MOB3C: variants seen among roughly 807,000 people sequenced by gnomAD.
MOB3C encodes MOB1, Mps One Binder kinase activator-like 2C.
Under a neutral mutation model 19.8 loss-of-function variants are expected in MOB3C, and 17 were observed. That is an observed-to-expected ratio of 0.86 (90% CI 0.59 to 1.29). The LOEUF (loss-of-function observed/expected upper bound fraction) is 1.29. MOB3C is among the 50% of genes most tolerant of loss of function. The probability of loss-of-function intolerance (pLI) is 0.00; values close to 1 mark genes in which losing one functional copy is unlikely to be tolerated. For missense variants in MOB3C, 291 were observed against 301.9 expected (o/e 0.96, Z 0.27); for synonymous variants, 101 against 119.2 (o/e 0.85, Z 0.99).
chr1:46,610,386 T>G (rs953734718), intron 2 of MOB3C, among the ~76,000 whole-genome samples, 182 bp from the exon 3 acceptor site: 2 of 152,358 alleles, frequency 1.3e-5, no homozygotes, highest in South Asian at 4.1e-4. Context: ...TTTCTTCCTT[T>G]CTTTTTTTCT....
intron 1 of MOB3C, chr1:46,614,608 T>C (rs1311239008): frequency 4.4e-6 from 1 of 224,884 alleles, no homozygotes; most frequent in Non-Finnish European, 8.7e-6. Context: ...CTCTGGCAAG[T>C]GTGAGCCCTG....
chr1:46,613,353 G>A lies in MOB3C; in HGVS notation c.-32C>T. On this transcript the variant is annotated 5_prime_UTR_variant, in exon 2 of 4. Coordinates refer to ENST00000319928, the MANE Select transcript of MOB3C (RefSeq NM_201403.3). ...CTGGGCCTGGGGCTGCTGTCCAGGGGCTCGGACCTGAGGATACCCTGCCAG... is the reference window on the plus strand; with the variant it reads ...CTGGGCCTGGGGCTGCTGTCCAGGGACTCGGACCTGAGGATACCCTGCCAG... 4 of 1,598,762 alleles carry A rather than the reference G, an allele frequency of 2.5e-6. No homozygotes were observed. The highest frequency in any genetic ancestry group is 2.5e-6 in the Non-Finnish European group (3 of 1,179,228).
At chr1:46,615,108 C>A (rs373454329) in intron 1 of MOB3C, 95 of 1,558,896 alleles carry the variant, frequency 6.1e-5, no homozygotes, top group Non-Finnish European at 8.0e-5. Context: ...CTGCTTGGGG[C>A]AAGTGCTTCC....
intron 1 of MOB3C, chr1:46,613,673 G>A (rs1675515041): frequency 2.5e-6 from 1 of 401,398 alleles, no homozygotes; most frequent in Non-Finnish European, 4.5e-6. Flanking sequence ...TCACGAGAGA[G>A]GTCGCAGAGG....
intron 2 of MOB3C, 77 bp downstream of exon 2, chr1:46,612,827 A>G: frequency 7.2e-7 from 1 of 1,396,308 alleles, no homozygotes; most frequent in Non-Finnish European, 9.6e-7. Context: ...CCAACCCTGC[A>G]GAGTGTCTAT....
At chr1:46,610,527 A>G (rs1487716675) in intron 2 of MOB3C, among the ~76,000 whole-genome samples, 1 of 152,134 alleles carries the variant, frequency 6.6e-6, no homozygotes, top group Non-Finnish European at 1.5e-5. Flanking sequence ...GGGATTACAG[A>G]CATGTGCCAT....
At position 46,609,311 on chromosome 1, in the gene MOB3C, A is replaced by G. The variant is rs1675422271; in HGVS notation, c.*344T>C. 6 of 404,302 alleles carry G rather than the reference A, an allele frequency of 1.5e-5. No homozygotes were observed. Among genetic ancestry groups the G allele is most frequent in the Admixed American group, 4.0e-5 (1 of 25,074 alleles). 25.0% of individuals were successfully genotyped at this position (404,302 alleles called of 1,614,324 possible). ...CTCACTTTCTTGCACCTTTCTTGCCATCACCTCGGCCACACCCACATTCCT... is the reference window on the plus strand; with the variant it reads ...CTCACTTTCTTGCACCTTTCTTGCCGTCACCTCGGCCACACCCACATTCCT... On this transcript the variant is annotated 3_prime_UTR_variant, in exon 4 of 4. Coordinates refer to ENST00000319928, the MANE Select transcript of MOB3C (RefSeq NM_201403.3).
chr1:46,609,198 G>A lies in MOB3C; in HGVS notation c.*457C>T, dbSNP rs1419917186. Reference sequence around the variant, plus strand: ...CTACTATGTGCCAAGGAGGGGTAAGGCAGCTAGCTCTCACAGACACACCCC... The same window carrying A: ...CTACTATGTGCCAAGGAGGGGTAAGACAGCTAGCTCTCACAGACACACCCC... On this transcript the variant is annotated 3_prime_UTR_variant, in exon 4 of 4. Transcript: ENST00000319928. 3 of 230,432 alleles carry A rather than the reference G, an allele frequency of 1.3e-5. No individual in the cohort carries two copies. The highest frequency in any genetic ancestry group is 2.6e-5 in the Non-Finnish European group (3 of 114,450). The allele number at this position is 230,432 out of a possible 1,614,324, so 14.3% of individuals were successfully genotyped here.
intron 1 of MOB3C, chr1:46,614,966 C>A (rs771161644): frequency 1.3e-6 from 2 of 1,599,088 alleles, no homozygotes; most frequent in Non-Finnish European, 1.7e-6. Context: ...TTGAAAAAAA[C>A]TCACAGATGT....
At position 46,610,292 on chromosome 1, in the gene MOB3C, A is replaced by G. The variant is rs1675443936; in HGVS notation, c.419-88T>C. 6 of 1,275,220 alleles carry G rather than the reference A, an allele frequency of 4.7e-6. No individual in the cohort carries two copies. The South Asian group carries it at 6.1e-5, about 13-fold the overall frequency. 79.0% of individuals were successfully genotyped at this position (1,275,220 alleles called of 1,614,324 possible). On this transcript the variant is annotated intron_variant, in intron 2 of 3. Transcript: ENST00000319928. Reference sequence around the variant, plus strand: ...TCCCTCCCACACACAGGCAACCAGGATGGCTTTTTCCCCAGCACACTTTTT... The same window carrying G: ...TCCCTCCCACACACAGGCAACCAGGGTGGCTTTTTCCCCAGCACACTTTTT...
In MOB3C at chr1:46,607,923, T is replaced by C. The variant is rs557925636; in HGVS notation, c.*1732A>G. ...CTCTGGCAAAGCTGCCAGGCCACTC[T>C]GGAGGCGGCAGAGGCAGAAGTCCCA... On this transcript the variant is annotated 3_prime_UTR_variant, in exon 4 of 4. Coordinates refer to ENST00000319928, the MANE Select transcript of MOB3C (RefSeq NM_201403.3). 1 of 152,228 alleles carries C rather than the reference T, an allele frequency of 6.6e-6. No individual in the cohort carries two copies. The highest frequency in any genetic ancestry group is 1.5e-5 in the Non-Finnish European group (1 of 68,068). The allele number at this position is 152,228 out of a possible 1,614,324, so 9.4% of individuals were successfully genotyped here. A position where few individuals can be genotyped will look rare whatever the true frequency, so the allele number is the denominator to read the frequency against.
chr1:46,610,201 A>T lies in MOB3C; in HGVS notation c.422T>A (p.Val141Asp), dbSNP rs1675442737. Reference sequence around the variant, plus strand: ...CTGCTGGAAGTTCTTAGGGAAGGGAACTCCTAGAGGGCAGGGGAGGGCAGA... The same window carrying T: ...CTGCTGGAAGTTCTTAGGGAAGGGATCTCCTAGAGGGCAGGGGAGGGCAGA... ...DEEVFPTRVG[V>D]PFPKNFQQVC... The change falls in exon 3 of 4, where the codon GTT (valine) becomes GAT (aspartate). Residue 141 changes from valine (V) to aspartate (D), a missense_variant. Val to Asp is a radical substitution (Grantham distance 152). Transcript: ENST00000319928. The T allele has an allele frequency of 1.2e-6, 2 of 1,613,610 alleles. No homozygotes were observed. The highest frequency in any genetic ancestry group is 2.7e-5 in the African/African-American group (2 of 74,788).
Position 46,610,004 on chromosome 1 carries a change from G to C in MOB3C, c.619C>G (p.Leu207Val). 6.2e-7 allele frequency: 1 copy of C among 1,614,236 alleles called. No homozygotes were observed. The highest frequency in any genetic ancestry group is 1.3e-5 in the African/African-American group (1 of 75,062). ...SLVDQRELEPLREMTERICH is the reference protein window; with the variant it reads ...SLVDQRELEPVREMTERICH The stretch of plus-strand genomic sequence containing the variant: ...AGGGTGGTAGGGCTTGGCCTCACCA[G>C]TGGCTCCAGCTCCCGCTGGTCCACC... The change falls in exon 3 of 4, where the codon CTG becomes GTG. Residue 207 changes from leucine to valine, a missense_variant and splice_region_variant. Coordinates refer to ENST00000319928, the MANE Select transcript of MOB3C (RefSeq NM_201403.3).
intron 1 of MOB3C, 32 bp from the exon 2 acceptor site, chr1:46,613,403 G>C: frequency 3.9e-6 from 6 of 1,547,136 alleles, no homozygotes; most frequent in Non-Finnish European, 5.2e-6. Context: ...GGGAGCTGGC[G>C]GTCAAGGCCT....
At position 46,611,149 on chromosome 1, in the gene MOB3C, C is replaced by T. The variant is rs926210069; in HGVS notation, c.419-945G>A. Among the ~76,000 whole-genome samples the T allele has an allele frequency of 2.0e-5, 3 of 152,204 alleles. No homozygotes were observed. The highest frequency in any genetic ancestry group is 4.8e-5 in the African/African-American group (2 of 41,434). On this transcript the variant is annotated intron_variant, in intron 2 of 3. Coordinates refer to ENST00000319928, the MANE Select transcript of MOB3C (RefSeq NM_201403.3). This position sits in a 1 kb window ranked among gnomAD's most constrained non-coding sequence, Gnocchi z 4.1. ...TCATTCCTTCAAATATTCAACAACA[C>T]GAAGAACCTTCCATTTATGAGCAAG...
Position 46,613,024 on chromosome 1 carries a change from A to G in MOB3C, c.298T>C (p.Trp100Arg), listed in dbSNP as rs748781587. The G allele has an allele frequency of 1.9e-6, 3 of 1,613,894 alleles. No individual in the cohort carries two copies. The highest frequency in any genetic ancestry group is 2.5e-6 in the Non-Finnish European group (3 of 1,179,896). Reference protein sequence around the residue: ...MAGGPRYEYRWQDERQYRRPA... With the variant: ...MAGGPRYEYRRQDERQYRRPA... ...CGCCGGTACTGGCGCTCGTCCTGCC[A>G]GCGGTACTCGTAGCGGGGCCCGCCG... The change falls in exon 2 of 4, where the codon TGG becomes CGG. Residue 100 changes from tryptophan to arginine, a missense_variant. Physicochemically the swap from Trp to Arg is moderately radical, Grantham distance 101. Coordinates refer to ENST00000319928, the MANE Select transcript of MOB3C (RefSeq NM_201403.3).
chr1:46,609,785 C>A, intron 3 of MOB3C, 101 bp from the exon 4 acceptor site: 1 of 1,506,632 alleles, frequency 6.6e-7, no homozygotes, highest in South Asian at 1.3e-5. Context: ...CTGAGCCTGG[C>A]CTTCCCCCAG....
chr1:46,615,287 T>G (rs1280673681), intron 1 of MOB3C: 1 of 544,600 alleles, frequency 1.8e-6, no homozygotes, highest in Non-Finnish European at 3.3e-6. Flanking sequence ...TCTTCCTGAT[T>G]CCTGAACACG....
At position 46,615,300 on chromosome 1, in the gene MOB3C, C is replaced by T. The variant is rs7415243; in HGVS notation, c.-51+1411G>A. The T allele has an allele frequency of 9.8e-4, 528 of 537,446 alleles. 8 individuals are homozygous for T. The East Asian group carries it at 0.014, about 14-fold the overall frequency. The allele number at this position is 537,446 out of a possible 1,614,324, so 33.3% of individuals were successfully genotyped here. The stretch of plus-strand genomic sequence containing the variant: ...CTTCTTCCTGATTCCTGAACACGCC[C>T]CCACTCTTTTGCCTCTGCATGTTTT... On this transcript the variant is annotated intron_variant, in intron 1 of 3. Transcript: ENST00000319928.
Sources: gnomAD v4.1 joint callset for allele counts (sites outside exome capture counted in the v4.1 genomes callset) on GRCh38, gnomAD v4.1.1 for gene constraint, Gnocchi (gnomAD v3.1) non-coding constraint, MANE v1.5 for transcripts, NCBI Gene and HGNC (gene_info 2026-07-23, HGNC 2026-07-21) for gene names.